The following RABEPK variants were observed in gnomAD, a reference collection of about 807,000 sequenced individuals.
RABEPK encodes 40 kDa Rab9 effector protein.
In RABEPK, 27 loss-of-function variants were observed where a neutral mutation model predicts 34.1. The ratio of observed to expected loss-of-function variants is 0.79; its 90% CI spans 0.58 to 1.09. The LOEUF (loss-of-function observed/expected upper bound fraction) is 1.09. Ranked by LOEUF, RABEPK falls within the 50% of genes least tolerant of loss-of-function variation. The probability of loss-of-function intolerance (pLI) is 0.00; values close to 1 mark genes in which losing one functional copy is unlikely to be tolerated. For synonymous variants in RABEPK, 172 were observed against 169.2 expected, an observed-to-expected ratio of 1.02 and a Z score of -0.13; for missense variants, 449 against 462.6, an observed-to-expected ratio of 0.97 and a Z score of 0.27.
chr9:125,215,436 G>T (rs1035160142), intron 4 of RABEPK, among the ~76,000 whole-genome samples: 5 of 151,290 alleles, frequency 3.3e-5, no homozygotes, highest in Admixed American at 3.3e-4. Flanking sequence ...CAGCCTCCCA[G>T]GTAGCTGGGA....
At chr9:125,232,801 G>A (rs1329028188) in intron 7 of RABEPK, 56 bp downstream of exon 7, 2 of 1,551,186 alleles carry the variant, frequency 1.3e-6, no homozygotes, top group African/African-American at 1.4e-5. Flanking sequence ...TTTGAAACGT[G>A]ATGCGGTGGC....
In RABEPK at chr9:125,220,311, A is replaced by C. The variant is rs1252067415; in HGVS notation, c.365-228A>C. 6 of 1,429,750 alleles carry C rather than the reference A, an allele frequency of 4.2e-6. No individual in the cohort carries two copies. In the South Asian group the frequency reaches 4.9e-5, roughly 12 times the overall value. The allele number at this position is 1,429,750 out of a possible 1,614,324, so 88.6% of individuals were successfully genotyped here. ...GCCACACTGCACCCAGCCTGACTCC[A>C]TTCTTGTGCTTACAGCTTTTAAATC... is the stretch of plus-strand genomic sequence containing the variant. On this transcript the variant is annotated intron_variant, in intron 4 of 7. Coordinates refer to ENST00000373538, the MANE Select transcript of RABEPK (RefSeq NM_005833.4).
chr9:125,231,894 ATTTTTTT>A (rs555538576), intron 6 of RABEPK, among the ~76,000 whole-genome samples: 1 of 112,662 alleles, frequency 8.9e-6, no homozygotes, highest in African/African-American at 3.3e-5. Context: ...AAGGAACTGT[ATTTTTTT>A]TTTTTTTTTT....
chr9:125,232,251 C>G (rs111821398), intron 6 of RABEPK, among the ~76,000 whole-genome samples: 143 of 149,378 alleles, frequency 9.6e-4, no homozygotes, highest in Admixed American at 1.1e-3. Context: ...CACACAGAGA[C>G]AGAGAGAGAG....
At position 125,233,329 on chromosome 9, in the gene RABEPK, GT is replaced by G. The variant is rs1233648822; in HGVS notation, c.827-336del. Among the ~76,000 whole-genome samples the G allele has an allele frequency of 3.8e-3, 310 of 81,882 alleles. 1 individual carries two copies. Among genetic ancestry groups the G allele is most frequent in the African/African-American group, 0.011 (201 of 18,754 alleles). The allele number at this position is 81,882 out of a possible 152,430, so 53.7% of individuals were successfully genotyped here. A position where few individuals can be genotyped will look rare whatever the true frequency, so the allele number is the denominator to read the frequency against. ...TTTTGGCTTTCACTATCTGGAAATTGTTTTTTTTTTTTTTTTTTTTTTTGTC... is the reference window on the plus strand; with the variant it reads ...TTTTGGCTTTCACTATCTGGAAATTGTTTTTTTTTTTTTTTTTTTTTTGTC... On this transcript the variant is annotated intron_variant, in intron 7 of 7. Coordinates refer to ENST00000373538, the MANE Select transcript of RABEPK (RefSeq NM_005833.4).
At chr9:125,206,864 C>T (rs1055260395) in intron 2 of RABEPK, among the ~76,000 whole-genome samples, 7 of 151,978 alleles carry the variant, frequency 4.6e-5, no homozygotes, top group Non-Finnish European at 1.0e-4. Flanking sequence ...CCGAGGCGGG[C>T]GGATCACCTG....
chr9:125,203,036 A>T lies in RABEPK; in HGVS notation c.23A>T (p.Glu8Val), dbSNP rs560886058. Residue 8 changes from glutamate to valine, a missense_variant, in exon 2 of 8, where the codon GAA (glutamate) becomes GTA (valine). By Grantham distance (121) the Glu-to-Val change is moderately radical. Transcript: ENST00000373538. Reference sequence around the variant, plus strand: ...ACCATGAAGCAACTGCCAGTCTTGGAACCTGGAGACAAGCCCAGGAAAGCA... The same window carrying T: ...ACCATGAAGCAACTGCCAGTCTTGGTACCTGGAGACAAGCCCAGGAAAGCA... MKQLPVL[E>V]PGDKPRKATW... 6.8e-6 allele frequency: 11 copies of T among 1,613,816 alleles called. No individual in the cohort carries two copies. In the East Asian group the frequency reaches 2.5e-4, roughly 36 times the overall value.
At chr9:125,221,112 G>A (rs1423615462) in intron 5 of RABEPK, 1 of 153,166 alleles carries the variant, frequency 6.5e-6, no homozygotes, top group East Asian at 1.9e-4. Flanking sequence ...AGTGAGCCAA[G>A]ATTGGGCCAC....
intron 5 of RABEPK, among the ~76,000 whole-genome samples, chr9:125,226,756 C>T (rs749243654): frequency 1.4e-4 from 21 of 151,954 alleles, no homozygotes; most frequent in African/African-American, 4.6e-4. Flanking sequence ...CCCAGCTACT[C>T]GGGAGGCTGA....
chr9:125,205,750 T>A (rs1009069721), intron 2 of RABEPK, among the ~76,000 whole-genome samples: 41 of 152,102 alleles, frequency 2.7e-4, no homozygotes, highest in African/African-American at 9.4e-4. Context: ...GGCCTCCCAA[T>A]GTGCTGGGAT....
intron 1 of RABEPK, among the ~76,000 whole-genome samples, chr9:125,202,608 T>G (rs1364086506): frequency 6.6e-6 from 1 of 152,024 alleles, no homozygotes; most frequent in African/African-American, 2.4e-5. Context: ...GGCGGGTGGA[T>G]CAGCTGAGGT....
chr9:125,233,683 C>A lies in RABEPK; in HGVS notation c.827-5C>A, dbSNP rs760886718. On this transcript the variant is annotated splice_region_variant and splice_polypyrimidine_tract_variant and intron_variant, in intron 7 of 7. Transcript: ENST00000373538. Reference sequence around the variant, plus strand: ...AACATGAAGCCTTTTCCCTCCCCAACATAGAAGAGCAGCATTGGACCTTGC... The same window carrying A: ...AACATGAAGCCTTTTCCCTCCCCAAAATAGAAGAGCAGCATTGGACCTTGC... 1.9e-6 allele frequency: 3 copies of A among 1,609,942 alleles called. No individual in the cohort carries two copies. Among genetic ancestry groups the A allele is most frequent in the Non-Finnish European group, 8.5e-7 (1 of 1,177,072 alleles).
At chr9:125,219,199 C>CTTTTTTTTTTTTT (rs1297507989) in intron 4 of RABEPK, among the ~76,000 whole-genome samples, 1 of 96,290 alleles carries the variant, frequency 1.0e-5, no homozygotes. Flanking sequence ...TTCTTTCTTT[C>CTTTTTTTTTTTTT]TTTTTTTTTT....
Position 125,213,448 on chromosome 9 carries a change from CACCTGACCGT to C in RABEPK, c.292_301del (p.Pro98SerfsTer19). 3.1e-6 allele frequency: 5 copies of C among 1,614,100 alleles called. No homozygotes were observed. The highest frequency in any genetic ancestry group is 4.2e-6 in the Non-Finnish European group (5 of 1,179,960). ...CATGCTAGCTTCATTCCCTCCTGCA[CACCTGACCGT>C]ATCTGGGTATTTGGAGGTGCCAACC... is the stretch of plus-strand genomic sequence containing the variant. On this transcript the variant is annotated frameshift_variant, in exon 4 of 8. Coordinates refer to ENST00000373538, the MANE Select transcript of RABEPK (RefSeq NM_005833.4). LOFTEE classifies it high-confidence loss of function.
intron 3 of RABEPK, among the ~76,000 whole-genome samples, chr9:125,209,946 C>G (rs1327956069): frequency 1.3e-5 from 2 of 152,154 alleles, no homozygotes; most frequent in African/African-American, 2.4e-5. Flanking sequence ...ACAGCCCTAT[C>G]ACATGTGATT....
intron 5 of RABEPK, among the ~76,000 whole-genome samples, chr9:125,226,443 A>C (rs1007758004): frequency 2.0e-5 from 3 of 152,178 alleles, no homozygotes; most frequent in Non-Finnish European, 4.4e-5. Context: ...ATAAATAACA[A>C]GGCTGGGCAC....
intron 5 of RABEPK, among the ~76,000 whole-genome samples, chr9:125,226,112 T>C (rs1831724589): frequency 6.7e-6 from 1 of 148,402 alleles, no homozygotes; most frequent in African/African-American, 2.5e-5. Context: ...ATCGCACCAC[T>C]GCACTCCAGC....
intron 6 of RABEPK, 113 bp downstream of exon 6, chr9:125,228,172 A>C: frequency 4.3e-6 from 4 of 932,028 alleles, no homozygotes; most frequent in Non-Finnish European, 5.8e-6. Context: ...GCATGATCTC[A>C]GTAGCCTCAG....
chr9:125,203,161 A>G lies in RABEPK; in HGVS notation c.53+95A>G, dbSNP rs1387745244. 4 of 1,095,414 alleles carry G rather than the reference A, an allele frequency of 3.7e-6. No homozygotes were observed. The Admixed American group carries it at 5.8e-5, about 16-fold the overall frequency. 67.9% of individuals were successfully genotyped at this position (1,095,414 alleles called of 1,614,324 possible). ...TATTTGATCATCAACAAAAAGGGGT[A>G]GAGATGAAACTGTCTGCAGTTTCTG... On this transcript the variant is annotated intron_variant, in intron 2 of 7. Coordinates refer to ENST00000373538, the MANE Select transcript of RABEPK (RefSeq NM_005833.4).
Sources: allele counts gnomAD v4.1 joint callset (sites outside exome capture counted in the v4.1 genomes callset), GRCh38; gene constraint gnomAD v4.1.1; transcripts MANE v1.5; gene names NCBI Gene and HGNC (gene_info 2026-07-23, HGNC 2026-07-21).